USH2A: variants seen among roughly 807,000 people sequenced by gnomAD.
USH2A encodes the protein Usher syndrome 2A (autosomal recessive, mild).
Under a neutral mutation model 538.9 loss-of-function variants are expected in USH2A, and 443 were observed. The observed-to-expected ratio is 0.82, with a 90% CI of 0.76 to 0.89. USH2A has a LOEUF of 0.89. Among genes scored for constraint, USH2A ranks in the 40% least tolerant of loss-of-function variants. The probability of loss-of-function intolerance (pLI) is 0.00; values close to 1 mark genes in which losing one functional copy is unlikely to be tolerated. For synonymous variants in USH2A, 2,413 were observed against 2,273.5 expected, an observed-to-expected ratio of 1.06 and a Z score of -1.75; for missense variants, 6,633 against 6,324.8, an observed-to-expected ratio of 1.05 and a Z score of -1.65.
chr1:215,703,679 T>C (rs1034918368), intron 61 of USH2A, among the ~76,000 whole-genome samples: 2 of 152,108 alleles, frequency 1.3e-5, no homozygotes, highest in South Asian at 2.1e-4. Flanking sequence ...AGGTCAAGCA[T>C]CCTAGGTTGA....
intron 69 of USH2A, among the ~76,000 whole-genome samples, chr1:215,637,781 A>T (rs1039623424): frequency 5.1e-4 from 78 of 152,244 alleles, no homozygotes; most frequent in African/African-American, 1.8e-3. Context: ...AATTAAAAAA[A>T]ATTTTTTTTT....
chr1:215,735,184 T>C lies in USH2A; in HGVS notation c.11711+6191A>G, dbSNP rs567895707. Among the ~76,000 whole-genome samples the C allele has an allele frequency of 5.3e-5, 8 of 152,336 alleles. No individual in the cohort carries two copies. In the East Asian group the frequency reaches 1.5e-3, roughly 29 times the overall value. ...CCAGTGGCAGGTACCCCTCTTCAAC[T>C]GTCTGAGTCCCAGCTTCACAGGCAC... On this transcript the variant is annotated intron_variant, in intron 60 of 71. Transcript: ENST00000307340.
In USH2A at chr1:215,782,051, G is replaced by A. The variant is rs1039902733; in HGVS notation, c.10731C>T (p.Thr3577=). The change falls in exon 54 of 72, where the codon ACC becomes ACT. Residue 3577 remains threonine (T), a synonymous_variant. Coordinates refer to ENST00000307340, the MANE Select transcript of USH2A (RefSeq NM_206933.4). ...GGCAAACTCCTCTTACCTTGCTACT[G>A]GTGGCACAGCCAGCAACCGTGCAAG... The part of the protein sequence containing the change: ...LKACTVAGCA[T]SSKVVAATTQ... 1 of 1,613,808 alleles carries A rather than the reference G, an allele frequency of 6.2e-7. No individual in the cohort carries two copies. Among genetic ancestry groups the A allele is most frequent in the Non-Finnish European group, 8.5e-7 (1 of 1,179,870 alleles).
chr1:216,418,471 C>A (rs1369143370), intron 3 of USH2A, 43 bp downstream of exon 3: 19 of 1,603,418 alleles, frequency 1.2e-5, no homozygotes, highest in Non-Finnish European at 1.6e-5. Context: ...GAAGACAAAT[C>A]CTTGTGTTTA....
intron 11 of USH2A, among the ~76,000 whole-genome samples, chr1:216,251,627 T>G (rs696724): frequency 0.63 from 95,591 of 151,464 alleles, 30,563 homozygotes; most frequent in East Asian, 0.71. Context: ...ATTTTTGTAA[T>G]TTTAGCAGAG....
intron 32 of USH2A, among the ~76,000 whole-genome samples, chr1:216,037,930 C>T (rs983516487): frequency 2.6e-5 from 4 of 151,794 alleles, no homozygotes; most frequent in Non-Finnish European, 5.9e-5. Context: ...TAAGTGAGAA[C>T]ATGTGGTATT....
intron 55 of USH2A, among the ~76,000 whole-genome samples, chr1:215,772,288 G>A (rs927640007): frequency 2.0e-5 from 3 of 152,292 alleles, no homozygotes; most frequent in African/African-American, 7.2e-5. Flanking sequence ...TCCTGAAGTC[G>A]AAGAGTAGAA....
At chr1:216,405,257 AAAC>A (rs1241444079) in intron 3 of USH2A, among the ~76,000 whole-genome samples, 1 of 152,224 alleles carries the variant, frequency 6.6e-6, no homozygotes, top group African/African-American at 2.4e-5. Flanking sequence ...TTGACATGGA[AAAC>A]ACAATACATA....
intron 38 of USH2A, among the ~76,000 whole-genome samples, chr1:215,921,955 C>A (rs905132601): frequency 3.9e-4 from 59 of 152,096 alleles, no homozygotes; most frequent in African/African-American, 1.4e-3. Context: ...GTTACATGAT[C>A]TTAATTTTTC....
At chr1:216,003,486 G>A (rs1668320942) in intron 32 of USH2A, among the ~76,000 whole-genome samples, 1 of 152,078 alleles carries the variant, frequency 6.6e-6, no homozygotes, top group African/African-American at 2.4e-5. Flanking sequence ...TCATTGGGAA[G>A]GTGGCATTTT....
chr1:215,703,508 G>GCCTA (rs939062404), intron 61 of USH2A, among the ~76,000 whole-genome samples: 1 of 152,180 alleles, frequency 6.6e-6, no homozygotes, highest in Admixed American at 6.5e-5. Flanking sequence ...GAGATGCCCT[G>GCCTA]CCTAGAGAGG....
chr1:216,069,708 A>T (rs2031494324), intron 30 of USH2A, among the ~76,000 whole-genome samples: 1 of 152,164 alleles, frequency 6.6e-6, no homozygotes, highest in Non-Finnish European at 1.5e-5. Flanking sequence ...TTTAATCAGC[A>T]ATTTTACAAT....
intron 5 of USH2A, among the ~76,000 whole-genome samples, 153 bp downstream of exon 5, chr1:216,327,438 T>G (rs2037757596): frequency 6.6e-6 from 1 of 152,132 alleles, no homozygotes; most frequent in Non-Finnish European, 1.5e-5. Flanking sequence ...AACCATAGAC[T>G]AAGCCAAAGC....
At chr1:215,646,684 G>A (rs1354478671) in intron 67 of USH2A, among the ~76,000 whole-genome samples, 1 of 152,022 alleles carries the variant, frequency 6.6e-6, no homozygotes, top group Non-Finnish European at 1.5e-5. Flanking sequence ...GTGTCACCAT[G>A]CCTGGCTAAT....
At chr1:216,082,497 C>G (rs1056787909) in intron 26 of USH2A, among the ~76,000 whole-genome samples, 2 of 149,724 alleles carry the variant, frequency 1.3e-5, no homozygotes, top group South Asian at 4.2e-4. Flanking sequence ...GTATCTTAGA[C>G]TCTTAAAAGC....
At chr1:216,359,203 C>A (rs1011094586) in intron 4 of USH2A, among the ~76,000 whole-genome samples, 7 of 151,970 alleles carry the variant, frequency 4.6e-5, no homozygotes. Context: ...TAAAGTAATA[C>A]GGTCTTCATA....
intron 4 of USH2A, among the ~76,000 whole-genome samples, chr1:216,354,595 A>G (rs1411970890): frequency 6.6e-6 from 1 of 152,164 alleles, no homozygotes; most frequent in Non-Finnish European, 1.5e-5. Context: ...TTAGAAATCA[A>G]CAGTTTGCTA....
At chr1:215,694,323 C>T (rs1658722411) in intron 61 of USH2A, among the ~76,000 whole-genome samples, 3 of 152,290 alleles carry the variant, frequency 2.0e-5, no homozygotes, top group Admixed American at 1.3e-4. Flanking sequence ...CCTGTAATCC[C>T]AGCACTTTGG....
intron 50 of USH2A, 136 bp downstream of exon 50, chr1:215,798,771 T>C (rs1441911041): frequency 4.0e-6 from 4 of 1,007,226 alleles, no homozygotes; most frequent in Admixed American, 2.0e-5. Flanking sequence ...TGTTAAACAA[T>C]ATGTTCCTAA....
Sources: allele counts gnomAD v4.1 joint callset (sites outside exome capture counted in the v4.1 genomes callset), GRCh38; gene constraint gnomAD v4.1.1; transcripts MANE v1.5; gene names NCBI Gene and HGNC (gene_info 2026-07-23, HGNC 2026-07-21).